REPS2: variants seen among roughly 807,000 people sequenced by gnomAD.
REPS2 encodes the protein ralBP1-associated Eps domain-containing protein 2.
Under a neutral mutation model 53.6 loss-of-function variants are expected in REPS2, and 23 were observed. The ratio of observed to expected loss-of-function variants is 0.43; its 90% CI spans 0.31 to 0.61. The LOEUF (loss-of-function observed/expected upper bound fraction) is 0.61, where lower values mean the gene tolerates loss of function less well. Ranked by LOEUF, REPS2 falls within the 20% of genes least tolerant of loss-of-function variation. The pLI is 0.11. For synonymous variants in REPS2, 238 were observed against 218.6 expected, an observed-to-expected ratio of 1.09 and a Z score of -0.78; for missense variants, 446 against 534.9, an observed-to-expected ratio of 0.83 and a Z score of 1.64.
intron 1 of REPS2, among the ~76,000 whole-genome samples, chrX:16,963,009 G>T (rs1033678872): frequency 9.0e-6 from 1 of 111,520 alleles, no homozygotes; most frequent in African/African-American, 3.3e-5. Context: ...TGAGGCAAGA[G>T]GATTGCTTGA....
At chrX:17,110,045 T>C (rs2062938065) in intron 14 of REPS2, among the ~76,000 whole-genome samples, 1 of 111,967 alleles carries the variant, frequency 8.9e-6, no homozygotes, top group African/African-American at 3.2e-5. Flanking sequence ...AGTTGGTGAT[T>C]CAAAATAGTA....
chrX:17,173,398 C>T, the REPS2 span, among the ~76,000 whole-genome samples: 1 of 112,453 alleles, frequency 8.9e-6, no homozygotes, highest in African/African-American at 3.2e-5. Context: ...AGAGGCCATC[C>T]ACAGTTGCCT....
intron 5 of REPS2, 128 bp from the exon 6 acceptor site, chrX:17,047,219 A>G (rs927999181): frequency 4.7e-5 from 28 of 597,391 alleles, no homozygotes; most frequent in Non-Finnish European, 6.8e-5. Context: ...GTTATGAGGC[A>G]GTTAAATTTC....
intron 12 of REPS2, 25 bp downstream of exon 12, chrX:17,074,184 T>C: frequency 1.7e-6 from 2 of 1,187,638 alleles, no homozygotes; most frequent in Non-Finnish European, 2.3e-6. Flanking sequence ...ATTTCTGCTT[T>C]AATGCCCTTT....
At chrX:16,985,514 C>T (rs2061080456) in intron 1 of REPS2, among the ~76,000 whole-genome samples, 1 of 112,253 alleles carries the variant, frequency 8.9e-6, no homozygotes, top group East Asian at 2.8e-4. Context: ...ACAGGGATAG[C>T]TTTTCCTGGC....
intron 13 of REPS2, among the ~76,000 whole-genome samples, chrX:17,080,377 C>G (rs1602952668): frequency 1.8e-5 from 2 of 108,976 alleles, no homozygotes; most frequent in African/African-American, 6.7e-5. Context: ...CCTTCTCCCC[C>G]ATCACTCCTT....
chrX:17,018,212 C>CTTTTTTTTTTT (rs200578522), intron 2 of REPS2, among the ~76,000 whole-genome samples: 1 of 92,295 alleles, frequency 1.1e-5, no homozygotes. Flanking sequence ...TGGCAACTGC[C>CTTTTTTTTTTT]TTTTTTTTTT....
chrX:17,011,928 C>G (rs1422951234), intron 2 of REPS2, among the ~76,000 whole-genome samples: 1 of 101,934 alleles, frequency 9.8e-6, no homozygotes, highest in Non-Finnish European at 2.0e-5. Flanking sequence ...TGCCACTGCA[C>G]TCCAGCCTGG....
At chrX:17,127,552 A>G (rs1036225494) in intron 14 of REPS2, among the ~76,000 whole-genome samples, 3 of 111,768 alleles carry the variant, frequency 2.7e-5, no homozygotes, top group African/African-American at 9.8e-5. Context: ...AGGGCATGGA[A>G]ATGGGGGATG....
At chrX:17,182,757 C>T in the REPS2 span, among the ~76,000 whole-genome samples, 13 of 112,515 alleles carry the variant, frequency 1.2e-4, no homozygotes, top group South Asian at 4.1e-3. Flanking sequence ...GGGCATTTGA[C>T]GTGAAACAAG....
intron 13 of REPS2, among the ~76,000 whole-genome samples, chrX:17,101,341 C>T (rs1012199244): frequency 3.2e-4 from 35 of 110,891 alleles, no homozygotes; most frequent in Non-Finnish European, 6.2e-4. Flanking sequence ...GGATTACAAG[C>T]GTGAGCCATC....
intron 1 of REPS2, among the ~76,000 whole-genome samples, chrX:16,955,177 C>T (rs1467315817): frequency 5.4e-5 from 6 of 110,639 alleles, no homozygotes; most frequent in Non-Finnish European, 7.5e-5. Flanking sequence ...CTGTTTGTTT[C>T]GTATAGGCAA....
At chrX:17,025,011 C>T (rs1390933648) in intron 3 of REPS2, 48 bp from the exon 4 acceptor site, 2 of 1,210,465 alleles carry the variant, frequency 1.7e-6, no homozygotes. Context: ...CAGCTCAGAA[C>T]GCCAGGCTTG....
At chrX:17,066,738 T>C (rs2062230897) in intron 9 of REPS2, among the ~76,000 whole-genome samples, 2 of 112,052 alleles carry the variant, frequency 1.8e-5, no homozygotes, top group African/African-American at 6.5e-5. Flanking sequence ...CCGGGCGTGG[T>C]GGCATATGCC....
chrX:17,021,376 A>G (rs1386519035), intron 2 of REPS2, among the ~76,000 whole-genome samples: 2 of 112,595 alleles, frequency 1.8e-5, no homozygotes, highest in East Asian at 5.5e-4. Flanking sequence ...TTGAGTGGCT[A>G]ATGGTTTTGA....
At position 17,149,282 on chromosome X, in the gene REPS2, C is replaced by T. The variant is rs2063546213; in HGVS notation, c.*1801C>T. ...TGCTTTTTCCATGTTCTGAGATCTA[C>T]GGGCTACAACAAATTTTATCAGCAG... On this transcript the variant is annotated 3_prime_UTR_variant, in exon 18 of 18. Coordinates refer to ENST00000357277, the MANE Select transcript of REPS2 (RefSeq NM_004726.3). 2 of 153,581 alleles carry T rather than the reference C, an allele frequency of 1.3e-5. No homozygotes were observed. The highest frequency in any genetic ancestry group is 2.6e-3 in the Middle Eastern group (1 of 391). The allele number at this position is 153,581 out of a possible 1,213,427, so 12.7% of individuals were successfully genotyped here.
chrX:17,109,972 A>G (rs17312296), intron 14 of REPS2, among the ~76,000 whole-genome samples: 4,269 of 112,331 alleles, frequency 0.038, 83 homozygotes, highest in Non-Finnish European at 0.06. Context: ...CACCATTTTA[A>G]ATACTCTATC....
intron 2 of REPS2, among the ~76,000 whole-genome samples, chrX:17,012,161 C>T (rs906449773): frequency 2.7e-5 from 3 of 109,758 alleles, no homozygotes; most frequent in Non-Finnish European, 3.8e-5. Context: ...GGGTGGATCA[C>T]GAGGTCAAGA....
chrX:17,016,023 C>G (rs1406712065), intron 2 of REPS2, among the ~76,000 whole-genome samples: 2 of 111,718 alleles, frequency 1.8e-5, no homozygotes, highest in Admixed American at 1.9e-4. Context: ...TTTACAGTCC[C>G]ACCAACAGTG....
Sources: allele counts gnomAD v4.1 joint callset (sites outside exome capture counted in the v4.1 genomes callset), GRCh38; gene constraint gnomAD v4.1.1; transcripts MANE v1.5; gene names NCBI Gene and HGNC (gene_info 2026-07-23, HGNC 2026-07-21).